NAA15: variants seen among roughly 807,000 people sequenced by gnomAD.
The protein encoded by NAA15 is N-alpha-acetyltransferase 15, NatA auxiliary subunit, also known as N-terminal acetyltransferase.
NAA15 carries 34 observed loss-of-function variants against 114.0 expected under a neutral mutation model. That is an observed-to-expected ratio of 0.30 (90% CI 0.23 to 0.40). NAA15 has a LOEUF of 0.40. Among genes scored for constraint, NAA15 ranks in the 10% least tolerant of loss-of-function variants. NAA15 has a pLI of 1.00. For missense variants in NAA15, 658 were observed against 1,004.5 expected (o/e 0.66, Z 4.66); for synonymous variants, 340 against 338.0 (o/e 1.01, Z -0.06).
chr4:139,350,873 G>A lies in NAA15; in HGVS notation c.812-318G>A, dbSNP rs546653131. On this transcript the variant is annotated intron_variant, in intron 7 of 19. Transcript: ENST00000296543. ...AAAATCAGAGGAGAGGAGTTAGAGG[G>A]GAGAAGCTAAGGAGAATAGTAGGAG... is the stretch of plus-strand genomic sequence containing the variant. Among the ~76,000 whole-genome samples, 6 of 151,960 alleles carry A rather than the reference G, an allele frequency of 3.9e-5. No individual in the cohort carries two copies. In the South Asian group the frequency reaches 1.2e-3, roughly 32 times the overall value.
intron 1 of NAA15, among the ~76,000 whole-genome samples, chr4:139,328,356 G>A (rs565077886): frequency 3.9e-5 from 6 of 151,924 alleles, no homozygotes; most frequent in South Asian, 2.1e-4. Context: ...ACAGGTGTCC[G>A]CCACCACGCC....
rs183037991 is a variant in NAA15, at chr4:139,320,892, C to T, written c.55-13282C>T. On this transcript the variant is annotated intron_variant, in intron 1 of 19. Coordinates refer to ENST00000296543, the MANE Select transcript of NAA15 (RefSeq NM_057175.5). The stretch of plus-strand genomic sequence containing the variant: ...ATCTTGACTCCTAGCTTCAAGCAGT[C>T]CTCCTGCCTGGGCCTCCCAAAGTGT... Among the ~76,000 whole-genome samples the T allele has an allele frequency of 3.9e-5, 6 of 152,234 alleles. No individual in the cohort carries two copies. In the East Asian group the frequency reaches 1.2e-3, roughly 29 times the overall value.
intron 3 of NAA15, among the ~76,000 whole-genome samples, chr4:139,338,546 C>T (rs535720824): frequency 1.3e-5 from 2 of 152,212 alleles, no homozygotes; most frequent in East Asian, 3.9e-4. Context: ...CTCCCTGCTT[C>T]AAGTGATTCT....
At chr4:139,364,917 T>G (rs1337534771) in intron 14 of NAA15, among the ~76,000 whole-genome samples, 1 of 152,206 alleles carries the variant, frequency 6.6e-6, no homozygotes, top group Non-Finnish European at 1.5e-5. Context: ...CCTTTCCCCC[T>G]TATGTCTTCT....
intron 1 of NAA15, chr4:139,318,368 T>A (rs1746482746): frequency 6.6e-6 from 1 of 152,232 alleles, no homozygotes; most frequent in African/African-American, 2.4e-5. Flanking sequence ...ATTAGTTTTT[T>A]AAATATACGG....
chr4:139,326,680 G>A (rs990797813), intron 1 of NAA15, among the ~76,000 whole-genome samples: 49 of 152,148 alleles, frequency 3.2e-4, no homozygotes, highest in Admixed American at 3.0e-3. Flanking sequence ...TTATTACACA[G>A]TGATGATACT....
rs1329331791 is a variant in NAA15, at chr4:139,388,803, AAAAC to A, written c.*722_*725del. The A allele has an allele frequency of 6.6e-6, 1 of 152,666 alleles. No individual in the cohort carries two copies. The highest frequency in any genetic ancestry group is 6.5e-5 in the Admixed American group (1 of 15,282). The allele number at this position is 152,666 out of a possible 1,614,324, so 9.5% of individuals were successfully genotyped here. The stretch of plus-strand genomic sequence containing the variant: ...AATTTTAACTAAAACTTGAAGAACT[AAAAC>A]AACAATGCAAACCTTTCAGCATTGT... On this transcript the variant is annotated 3_prime_UTR_variant, in exon 20 of 20. Coordinates refer to ENST00000296543, the MANE Select transcript of NAA15 (RefSeq NM_057175.5).
At chr4:139,313,987 CATT>C (rs1746302704) in intron 1 of NAA15, among the ~76,000 whole-genome samples, 2 of 151,828 alleles carry the variant, frequency 1.3e-5, no homozygotes, top group South Asian at 4.1e-4. Flanking sequence ...CATTAAAAAA[CATT>C]ATTAGTGACA....
At chr4:139,328,817 C>T (rs956609500) in intron 1 of NAA15, among the ~76,000 whole-genome samples, 3 of 151,212 alleles carry the variant, frequency 2.0e-5, no homozygotes, top group Non-Finnish European at 4.4e-5. Flanking sequence ...CCGCTTGCCT[C>T]TGCCTCCCAG....
At chr4:139,312,542 T>A (rs762766804) in intron 1 of NAA15, among the ~76,000 whole-genome samples, 3 of 151,936 alleles carry the variant, frequency 2.0e-5, no homozygotes, top group Non-Finnish European at 2.9e-5. Flanking sequence ...CACTTTTAAC[T>A]AAAGCAATCT....
chr4:139,357,246 T>G (rs1401408637), intron 10 of NAA15, 140 bp from the exon 11 acceptor site: 1 of 700,588 alleles, frequency 1.4e-6, no homozygotes, highest in East Asian at 2.7e-5. Context: ...CTTATAAACT[T>G]AGGAGGAGTT....
At chr4:139,379,051 A>T (rs542638615) in intron 17 of NAA15, 197 bp downstream of exon 17, 1 of 405,668 alleles carries the variant, frequency 2.5e-6, no homozygotes, top group South Asian at 6.9e-5. Flanking sequence ...TGATTTTGAC[A>T]TAGAATTATT....
At chr4:139,344,877 A>G (rs1343698700) in intron 6 of NAA15, among the ~76,000 whole-genome samples, 2 of 152,196 alleles carry the variant, frequency 1.3e-5, no homozygotes, top group Non-Finnish European at 2.9e-5. Flanking sequence ...GGTTCATAAT[A>G]TGTAGATTGT....
chr4:139,337,693 ATTTT>A (rs1337138498), intron 3 of NAA15, among the ~76,000 whole-genome samples: 3 of 152,210 alleles, frequency 2.0e-5, no homozygotes, highest in African/African-American at 7.2e-5. Flanking sequence ...GGCTGACACA[ATTTT>A]AAGTGCTGAA....
chr4:139,306,990 A>C (rs1746043697), intron 1 of NAA15, among the ~76,000 whole-genome samples: 1 of 152,234 alleles, frequency 6.6e-6, no homozygotes, highest in Admixed American at 6.5e-5. Flanking sequence ...TACATCAATA[A>C]ATGTAGTTTT....
intron 3 of NAA15, among the ~76,000 whole-genome samples, chr4:139,339,175 TC>T (rs773047407): frequency 4.6e-5 from 7 of 152,140 alleles, no homozygotes; most frequent in South Asian, 2.1e-4. Flanking sequence ...GAAGTGGACT[TC>T]CGTTTTTCTT....
chr4:139,385,261 A>C (rs1163374204), intron 18 of NAA15, among the ~76,000 whole-genome samples: 4 of 132,036 alleles, frequency 3.0e-5, no homozygotes, highest in Non-Finnish European at 6.4e-5. Context: ...AAATCAAAAC[A>C]AAACCAAACA....
chr4:139,322,664 C>T (rs910765022), intron 1 of NAA15, among the ~76,000 whole-genome samples: 3 of 152,110 alleles, frequency 2.0e-5, no homozygotes, highest in Admixed American at 2.0e-4. Context: ...TGTACCTGTT[C>T]AGCCTACTCT....
chr4:139,315,018 T>G (rs532706175), intron 1 of NAA15, among the ~76,000 whole-genome samples: 4 of 108,730 alleles, frequency 3.7e-5, no homozygotes, highest in African/African-American at 1.4e-4. Context: ...TAGGTTAGGT[T>G]AGGTTAGGTT....
Sources: gnomAD v4.1 joint callset for allele counts (sites outside exome capture counted in the v4.1 genomes callset) on GRCh38, gnomAD v4.1.1 for gene constraint, MANE v1.5 for transcripts, NCBI Gene and HGNC (gene_info 2026-07-23, HGNC 2026-07-21) for gene names.